Variants in KIAA1549L observed in about 807,000 individuals in gnomAD.
The protein encoded by KIAA1549L is KIAA1549 like, also known as UPF0606 protein KIAA1549L.
Under a neutral mutation model 160.7 loss-of-function variants are expected in KIAA1549L, and 88 were observed. The ratio of observed to expected loss-of-function variants is 0.55; its 90% CI spans 0.46 to 0.65. KIAA1549L has a LOEUF of 0.65. KIAA1549L is among the 30% of genes least tolerant of loss of function. The pLI is 0.00. For missense variants in KIAA1549L, 2,258 were observed against 2,437.5 expected (o/e 0.93, Z 1.55); for synonymous variants, 950 against 976.7 (o/e 0.97, Z 0.51).
At chr11:33,463,407 A>G (rs893878578) in intron 1 of KIAA1549L, among the ~76,000 whole-genome samples, 4 of 152,310 alleles carry the variant, frequency 2.6e-5, no homozygotes, top group Middle Eastern at 3.4e-3. Context: ...AAAAAAAAGT[A>G]GTGTTGAAAG....
chr11:33,624,662 C>G (rs1016767334), intron 16 of KIAA1549L, among the ~76,000 whole-genome samples: 1 of 151,426 alleles, frequency 6.6e-6, no homozygotes, highest in Non-Finnish European at 1.5e-5. Context: ...TTTCTTTTTC[C>G]CTATTACCTT....
intron 16 of KIAA1549L, among the ~76,000 whole-genome samples, chr11:33,619,133 A>G (rs1850897141): frequency 6.6e-6 from 1 of 152,216 alleles, no homozygotes; most frequent in Non-Finnish European, 1.5e-5. Flanking sequence ...TCATGTGACA[A>G]AGCACATGCT....
intron 17 of KIAA1549L, among the ~76,000 whole-genome samples, chr11:33,647,819 T>C (rs1261994021): frequency 6.6e-6 from 1 of 152,032 alleles, no homozygotes; most frequent in Non-Finnish European, 1.5e-5. Context: ...GTGGGTCATA[T>C]GATGAAAACT....
At chr11:33,407,217 T>A (rs903949190) in intron 1 of KIAA1549L, among the ~76,000 whole-genome samples, 3 of 149,890 alleles carry the variant, frequency 2.0e-5, no homozygotes, top group Non-Finnish European at 3.0e-5. Context: ...CCCGAGTAGC[T>A]GGGACTACAG....
At chr11:33,638,760 T>C (rs978648593) in intron 16 of KIAA1549L, among the ~76,000 whole-genome samples, 6 of 152,224 alleles carry the variant, frequency 3.9e-5, no homozygotes, top group African/African-American at 7.2e-5. Flanking sequence ...ACTAGCAGTA[T>C]AACAGTTCTA....
At chr11:33,560,548 T>C (rs1026732341) in intron 7 of KIAA1549L, among the ~76,000 whole-genome samples, 14 of 152,372 alleles carry the variant, frequency 9.2e-5, no homozygotes, top group African/African-American at 3.4e-4. Context: ...CTCATCTTTT[T>C]CTAATGTTTC....
intron 1 of KIAA1549L, among the ~76,000 whole-genome samples, chr11:33,504,950 A>G (rs1394645322): frequency 6.6e-6 from 1 of 152,060 alleles, no homozygotes; most frequent in Non-Finnish European, 1.5e-5. Flanking sequence ...TATTTTTTGT[A>G]GAGACAGGGT....
At chr11:33,646,437 T>C (rs1177885409) in intron 17 of KIAA1549L, among the ~76,000 whole-genome samples, 3 of 152,234 alleles carry the variant, frequency 2.0e-5, no homozygotes, top group Non-Finnish European at 4.4e-5. Context: ...GCGCACAGGC[T>C]TTGAGCCAGA....
intron 1 of KIAA1549L, among the ~76,000 whole-genome samples, chr11:33,443,321 A>T (rs1466989702): frequency 1.4e-5 from 2 of 144,812 alleles, no homozygotes; most frequent in Admixed American, 1.4e-4. Flanking sequence ...CTTTTTAGTG[A>T]TTTTTTTTTT....
intron 9 of KIAA1549L, among the ~76,000 whole-genome samples, chr11:33,569,089 C>G (rs541520163): frequency 2.0e-5 from 3 of 152,290 alleles, no homozygotes; most frequent in Non-Finnish European, 2.9e-5. Context: ...CCTGCCAGTT[C>G]GTTGCACCTC....
At chr11:33,609,669 G>T (rs528614269) in intron 14 of KIAA1549L, 80 bp from the exon 15 acceptor site, 19 of 1,166,414 alleles carry the variant, frequency 1.6e-5, no homozygotes, top group Non-Finnish European at 2.1e-5. Context: ...TTTTTTAGAA[G>T]TGATAACCTC....
intron 1 of KIAA1549L, among the ~76,000 whole-genome samples, chr11:33,497,053 G>T (rs1422196251): frequency 6.6e-6 from 1 of 151,982 alleles, no homozygotes; most frequent in East Asian, 1.9e-4. Context: ...TCACACGGTA[G>T]CTCCAATGTC....
chr11:33,532,458 C>T (rs1193174599), intron 1 of KIAA1549L, among the ~76,000 whole-genome samples: 2 of 152,208 alleles, frequency 1.3e-5, no homozygotes, highest in Non-Finnish European at 2.9e-5. Flanking sequence ...ATTCTAAGGA[C>T]TTTACGCGTA....
At chr11:33,471,961 T>C (rs1208183034) in intron 1 of KIAA1549L, among the ~76,000 whole-genome samples, 4 of 152,214 alleles carry the variant, frequency 2.6e-5, no homozygotes, top group Non-Finnish European at 5.9e-5. Flanking sequence ...GTAAAAAGGC[T>C]GGAGTTGGGC....
In KIAA1549L at chr11:33,527,203, G is replaced by T. The variant is rs143910954; in HGVS notation, c.239-14599G>T. ...AAAAATAATTCGTGTTCCCAAGAAA[G>T]AAGAGAAATCAAAAAGTTTGGAAAA... On this transcript the variant is annotated intron_variant, in intron 1 of 20. Transcript: ENST00000658780. Among the ~76,000 whole-genome samples the T allele has an allele frequency of 1.2e-3, 190 of 152,282 alleles. 2 individuals carry two copies. The East Asian group carries it at 0.027, about 22-fold the overall frequency.
chr11:33,473,369 A>G (rs1852221829), intron 1 of KIAA1549L, among the ~76,000 whole-genome samples: 2 of 152,180 alleles, frequency 1.3e-5, no homozygotes, highest in African/African-American at 4.8e-5. Context: ...ATCTGACCCA[A>G]TCTTGGGCGA....
At chr11:33,613,978 C>T (rs886260307) in intron 15 of KIAA1549L, among the ~76,000 whole-genome samples, 2 of 152,132 alleles carry the variant, frequency 1.3e-5, no homozygotes, top group African/African-American at 4.8e-5. Context: ...TGAGCCTGTC[C>T]AGGCCAGCAG....
intron 1 of KIAA1549L, among the ~76,000 whole-genome samples, chr11:33,526,072 T>C (rs1266745565): frequency 6.6e-6 from 1 of 152,122 alleles, no homozygotes; most frequent in East Asian, 1.9e-4. Context: ...CATAAGGTCT[T>C]GGTAGCTCTA....
chr11:33,396,612 C>A (rs878883271), intron 1 of KIAA1549L, among the ~76,000 whole-genome samples: 1 of 151,416 alleles, frequency 6.6e-6, no homozygotes. Context: ...TGAACTTACT[C>A]TTCTCCCTTT....
Sources: allele counts gnomAD v4.1 joint callset (sites outside exome capture counted in the v4.1 genomes callset), GRCh38; gene constraint gnomAD v4.1.1; transcripts MANE v1.5; gene names NCBI Gene and HGNC (gene_info 2026-07-23, HGNC 2026-07-21).